The following TMEM120B variants were observed in gnomAD, a reference collection of about 807,000 sequenced individuals.
TMEM120B encodes transmembrane protein 120B.
TMEM120B carries 31 observed loss-of-function variants against 55.5 expected under a neutral mutation model. The observed-to-expected ratio is 0.56, with a 90% CI of 0.42 to 0.75. The LOEUF (loss-of-function observed/expected upper bound fraction) is 0.75. Among genes scored for constraint, TMEM120B ranks in the 30% least tolerant of loss-of-function variants. The pLI is 0.00. For missense variants in TMEM120B, 399 were observed against 425.5 expected (o/e 0.94, Z 0.55); for synonymous variants, 203 against 176.3 (o/e 1.15, Z -1.20).
chr12:121,769,591 C>G (rs1015056557), intron 6 of TMEM120B, among the ~76,000 whole-genome samples: 1 of 152,086 alleles, frequency 6.6e-6, no homozygotes. Context: ...GTGATCCCAG[C>G]TACTCAGGAG....
chr12:121,768,680 T>C (rs1873924529), intron 6 of TMEM120B, among the ~76,000 whole-genome samples: 1 of 152,216 alleles, frequency 6.6e-6, no homozygotes, highest in African/African-American at 2.4e-5. Context: ...ATTTGGCAAG[T>C]TGCTGCCATG....
At chr12:121,734,645 G>A (rs1281572667) in intron 1 of TMEM120B, among the ~76,000 whole-genome samples, 1 of 151,946 alleles carries the variant, frequency 6.6e-6, no homozygotes, top group East Asian at 1.9e-4. Flanking sequence ...TGGGCATGGT[G>A]GCTCACACCT....
chr12:121,729,890 C>T (rs1027745734), intron 1 of TMEM120B, among the ~76,000 whole-genome samples: 6 of 152,152 alleles, frequency 3.9e-5, no homozygotes, highest in Non-Finnish European at 8.8e-5. Flanking sequence ...GGAAGCAACC[C>T]ATCTTCCATC....
chr12:121,729,479 C>T (rs1894955649), intron 1 of TMEM120B, among the ~76,000 whole-genome samples: 1 of 152,126 alleles, frequency 6.6e-6, no homozygotes, highest in Admixed American at 6.6e-5. Context: ...CCATATGGTC[C>T]AGCAATTCCA....
intron 2 of TMEM120B, among the ~76,000 whole-genome samples, chr12:121,745,582 G>C (rs1197802203): frequency 6.6e-6 from 1 of 151,956 alleles, no homozygotes; most frequent in Non-Finnish European, 1.5e-5. Flanking sequence ...ACTAGAGACA[G>C]GGTTTCACCA....
At chr12:121,761,241 A>C (rs933234240) in intron 5 of TMEM120B, among the ~76,000 whole-genome samples, 1 of 152,132 alleles carries the variant, frequency 6.6e-6, no homozygotes, top group African/African-American at 2.4e-5. Context: ...AGCCTCCCCA[A>C]GTGCTGGGAT....
In TMEM120B at chr12:121,777,492, A is replaced by G. The variant is rs1874283585; in HGVS notation, c.*1770A>G. 6.6e-6 allele frequency: 1 copy of G among 152,174 alleles called. No individual in the cohort carries two copies. 9.4% of individuals were successfully genotyped at this position (152,174 alleles called of 1,614,324 possible). Reference sequence around the variant, plus strand: ...AAAAATCCAGATTTCTGCTTTCCCTAGAAAAACGGACCTGGCAACATTCCC... The same window carrying G: ...AAAAATCCAGATTTCTGCTTTCCCTGGAAAAACGGACCTGGCAACATTCCC... On this transcript the variant is annotated 3_prime_UTR_variant, in exon 12 of 12. Transcript: ENST00000449592.
At chr12:121,757,647 G>T (rs1464001847) in intron 5 of TMEM120B, among the ~76,000 whole-genome samples, 1 of 152,060 alleles carries the variant, frequency 6.6e-6, no homozygotes, top group Non-Finnish European at 1.5e-5. Context: ...CTCCCGAGTA[G>T]CTGGGACTAC....
At chr12:121,741,429 A>T (rs1455985383) in intron 1 of TMEM120B, among the ~76,000 whole-genome samples, 1 of 152,284 alleles carries the variant, frequency 6.6e-6, no homozygotes, top group African/African-American at 2.4e-5. Context: ...TCCCGGGTTC[A>T]AGCGATTCTC....
chr12:121,714,557 CTTTT>C (rs897759057), intron 1 of TMEM120B, among the ~76,000 whole-genome samples: 2 of 100,196 alleles, frequency 2.0e-5, no homozygotes, highest in East Asian at 3.1e-4. Flanking sequence ...TCAGCCACTT[CTTTT>C]TTTTTTTTTT....
At position 121,773,476 on chromosome 12, in the gene TMEM120B, G is replaced by A; in HGVS notation, c.735G>A (p.Arg245=). 1.2e-6 allele frequency: 2 copies of A among 1,607,184 alleles called. No individual in the cohort carries two copies. Among genetic ancestry groups the A allele is most frequent in the South Asian group, 1.1e-5 (1 of 90,420 alleles). ...YYQRGCLYRL[R]ALGERNHLDL... ...AGAGGGGCTGCCTCTACCGGCTGCG[G>A]GCCCTGGGGGAGAGGAACCACCTGG... The change falls in exon 9 of 12, where the codon CGG becomes CGA. Residue 245 remains arginine, a synonymous_variant. Coordinates refer to ENST00000449592, the MANE Select transcript of TMEM120B (RefSeq NM_001080825.2).
intron 5 of TMEM120B, chr12:121,758,813 C>T (rs1193613599): frequency 1.0e-6 from 1 of 977,906 alleles, no homozygotes; most frequent in Non-Finnish European, 1.2e-6. Context: ...CTGTGGTCAC[C>T]ATGGAGGAGG....
chr12:121,728,601 T>C (rs1415578400), intron 1 of TMEM120B, among the ~76,000 whole-genome samples: 2 of 151,848 alleles, frequency 1.3e-5, no homozygotes, highest in South Asian at 4.2e-4. Flanking sequence ...ATTACAGGCA[T>C]GAGCCACCGC....
In TMEM120B at chr12:121,780,387, GT is replaced by G. The variant is rs1874406074; in HGVS notation, c.*4666del. 1 of 181,570 alleles carries G rather than the reference GT, an allele frequency of 5.5e-6. No homozygotes were observed. Among genetic ancestry groups the G allele is most frequent in the African/African-American group, 2.4e-5 (1 of 42,486 alleles). The allele number at this position is 181,570 out of a possible 1,614,324, so 11.2% of individuals were successfully genotyped here. On this transcript the variant is annotated 3_prime_UTR_variant, in exon 12 of 12. Coordinates refer to ENST00000449592, the MANE Select transcript of TMEM120B (RefSeq NM_001080825.2). The stretch of plus-strand genomic sequence containing the variant: ...TTGCCCTTATTAATGGTTATTTCTT[GT>G]GAAAGTTTCTTTTTGCCTTTGCATT...
At chr12:121,758,161 A>T in intron 5 of TMEM120B, 1 of 985,434 alleles carries the variant, frequency 1.0e-6, no homozygotes, top group Non-Finnish European at 1.2e-6. Context: ...ACAGACTGGC[A>T]GTGGTGGGGA....
At chr12:121,754,390 C>T (rs1873420195) in intron 5 of TMEM120B, among the ~76,000 whole-genome samples, 1 of 152,228 alleles carries the variant, frequency 6.6e-6, no homozygotes, top group South Asian at 2.1e-4. Flanking sequence ...CTCCTACCTG[C>T]TTCTGTGTTC....
intron 2 of TMEM120B, among the ~76,000 whole-genome samples, chr12:121,745,892 T>C (rs7310523): frequency 0.09 from 13,654 of 151,878 alleles, 1,089 homozygotes; most frequent in African/African-American, 0.21. Context: ...GATGGAGTTT[T>C]GCTCTGTCAC....
At chr12:121,769,933 G>T (rs2137366697) in intron 6 of TMEM120B, among the ~76,000 whole-genome samples, 1 of 152,240 alleles carries the variant, frequency 6.6e-6, no homozygotes, top group East Asian at 1.9e-4. Context: ...AAGTGGGGCA[G>T]TGTGATCCGA....
intron 6 of TMEM120B, among the ~76,000 whole-genome samples, chr12:121,769,143 CA>C (rs34286143): frequency 0.29 from 25,927 of 88,654 alleles, 2,093 homozygotes; most frequent in South Asian, 0.38. Context: ...AAGACTGTCT[CA>C]AAAAAAAAAA....
Sources: gnomAD v4.1 joint callset for allele counts (sites outside exome capture counted in the v4.1 genomes callset) on GRCh38, gnomAD v4.1.1 for gene constraint, MANE v1.5 for transcripts, NCBI Gene and HGNC (gene_info 2026-07-23, HGNC 2026-07-21) for gene names.